Variants in ANKS1B observed in about 807,000 individuals in gnomAD.
The protein encoded by ANKS1B is ankyrin repeat and sterile alpha motif domain-containing protein 1B.
In ANKS1B, 36 loss-of-function variants were observed where a neutral mutation model predicts 148.3. The observed-to-expected ratio is 0.24, with a 90% confidence interval of 0.19 to 0.32. The LOEUF (loss-of-function observed/expected upper bound fraction) is 0.32. Ranked by LOEUF, ANKS1B falls within the 10% of genes least tolerant of loss-of-function variation. ANKS1B has a pLI of 1.00. For synonymous variants in ANKS1B, 542 were observed against 560.8 expected (o/e 0.97, Z 0.47); for missense variants, 1,157 against 1,542.6 (o/e 0.75, Z 4.19).
intron 12 of ANKS1B, among the ~76,000 whole-genome samples, chr12:99,307,024 G>A (rs924255941): frequency 1.4e-4 from 22 of 152,142 alleles, no homozygotes; most frequent in African/African-American, 2.9e-4. Context: ...GGTCCTTGTC[G>A]TCCCTGGCTC....
At chr12:99,341,699 A>C (rs2089949101) in intron 12 of ANKS1B, among the ~76,000 whole-genome samples, 1 of 152,230 alleles carries the variant, frequency 6.6e-6, no homozygotes, top group South Asian at 2.1e-4. Flanking sequence ...GTAATCAGTA[A>C]GCCAGTCTGC....
At position 98,948,099 on chromosome 12, in the gene ANKS1B, C is replaced by T. The variant is rs539911418; in HGVS notation, c.2778+105058G>A. Reference sequence around the variant, plus strand: ...TTGGAAAGGACATTTTGTTGTATAACGCAGAACCTGCTGTTAGCCTCTTGT... The same window carrying T: ...TTGGAAAGGACATTTTGTTGTATAATGCAGAACCTGCTGTTAGCCTCTTGT... On this transcript the variant is annotated intron_variant, in intron 17 of 26. Transcript: ENST00000683438. Among the ~76,000 whole-genome samples the T allele has an allele frequency of 4.6e-5, 7 of 152,058 alleles. No individual in the cohort carries two copies. In the East Asian group the frequency reaches 7.7e-4, roughly 17 times the overall value.
intron 17 of ANKS1B, among the ~76,000 whole-genome samples, chr12:98,946,165 G>A (rs1282613981): frequency 1.3e-5 from 2 of 152,156 alleles, no homozygotes; most frequent in African/African-American, 4.8e-5. Context: ...GGGCTTCTAG[G>A]TAAAGCGTCC....
chr12:99,922,144 A>C (rs907529977), intron 1 of ANKS1B, among the ~76,000 whole-genome samples: 1 of 152,194 alleles, frequency 6.6e-6, no homozygotes, highest in African/African-American at 2.4e-5. Context: ...TAACATATAA[A>C]GCATTTAAAA....
At chr12:99,123,891 C>T (rs928937666) in intron 15 of ANKS1B, among the ~76,000 whole-genome samples, 3 of 152,118 alleles carry the variant, frequency 2.0e-5, no homozygotes, top group African/African-American at 7.2e-5. Context: ...CACAAACACA[C>T]CCAGGAACAA....
chr12:99,145,655 A>G (rs1363605556), intron 15 of ANKS1B, among the ~76,000 whole-genome samples: 1 of 152,128 alleles, frequency 6.6e-6, no homozygotes, highest in Non-Finnish European at 1.5e-5. Flanking sequence ...TCAAAGGACC[A>G]GAAGTATGAC....
chr12:99,865,032 C>T (rs140532645), intron 1 of ANKS1B, among the ~76,000 whole-genome samples: 314 of 152,324 alleles, frequency 2.1e-3, no homozygotes, highest in African/African-American at 7.4e-3. Flanking sequence ...AGGCAATAAG[C>T]ATCAATGTTA....
intron 14 of ANKS1B, among the ~76,000 whole-genome samples, chr12:99,202,803 T>C (rs2082218810): frequency 6.6e-6 from 1 of 152,246 alleles, no homozygotes; most frequent in Admixed American, 6.5e-5. Context: ...TAGTCTTGTC[T>C]GAGGTTACTG....
At chr12:99,665,155 C>A (rs529097404) in intron 8 of ANKS1B, among the ~76,000 whole-genome samples, 3 of 152,098 alleles carry the variant, frequency 2.0e-5, no homozygotes, top group African/African-American at 7.2e-5. Context: ...CTAGGTCACA[C>A]GGTAAATGCA....
chr12:99,827,629 C>A (rs2083375196), intron 1 of ANKS1B, among the ~76,000 whole-genome samples: 1 of 152,006 alleles, frequency 6.6e-6, no homozygotes, highest in Non-Finnish European at 1.5e-5. Context: ...TATATGTATC[C>A]CATAACATGT....
At chr12:99,689,788 A>G (rs1024812338) in intron 8 of ANKS1B, among the ~76,000 whole-genome samples, 10 of 152,188 alleles carry the variant, frequency 6.6e-5, no homozygotes, top group African/African-American at 2.4e-4. Flanking sequence ...CCTCAGTTCT[A>G]CAACCTCAGA....
rs1171454724 is a variant in ANKS1B at position 99,246,561 on chromosome 12, A to G, written c.2060T>C (p.Val687Ala). 6.2e-7 allele frequency: 1 copy of G among 1,613,872 alleles called. No homozygotes were observed. Among genetic ancestry groups the G allele is most frequent in the Non-Finnish European group, 8.5e-7 (1 of 1,179,870 alleles). ...TCCACTCCTGGTTGATCTTGTGCCA[A>G]CAATGGTATGGTTTTCGAGTTGGTT... ...KSNQLENHTI[V>A]GTRSTRSGSR... Residue 687 changes from valine to alanine, a missense_variant, in exon 13 of 27, where the codon GTT (valine) becomes GCT (alanine). Physicochemically the swap from Val to Ala is moderately conservative, Grantham distance 64 (BLOSUM62 0). This residue lies in a region of ANKS1B where 661 missense variants were observed against 642.1 expected (regional missense o/e 1.03). Transcript: ENST00000683438.
At chr12:99,850,281 G>GTCTCTCCCTCCCTC (rs57015094) in intron 1 of ANKS1B, among the ~76,000 whole-genome samples, 3 of 114,206 alleles carry the variant, frequency 2.6e-5, no homozygotes, top group African/African-American at 1.1e-4. Context: ...AAGCAAGAAA[G>GTCTCTCCCTCCCTC]TCTCTCTCTC....
intron 17 of ANKS1B, among the ~76,000 whole-genome samples, chr12:98,863,664 T>C (rs933376659): frequency 2.0e-5 from 3 of 152,240 alleles, no homozygotes; most frequent in Non-Finnish European, 4.4e-5. Context: ...AGTTGATAGA[T>C]ATTAAACAAA....
intron 12 of ANKS1B, among the ~76,000 whole-genome samples, chr12:99,334,976 A>C (rs1211649655): frequency 1.3e-5 from 2 of 152,010 alleles, no homozygotes; most frequent in Admixed American, 6.6e-5. Flanking sequence ...CCAGTTTCCC[A>C]TCTCTTACTA....
chr12:99,552,081 T>G (rs1475933806), intron 9 of ANKS1B, among the ~76,000 whole-genome samples: 1 of 152,206 alleles, frequency 6.6e-6, no homozygotes, highest in African/African-American at 2.4e-5. Flanking sequence ...TGATCCCTAG[T>G]GCTCCTTTAG....
chr12:98,930,079 T>C (rs2152956759), intron 17 of ANKS1B, among the ~76,000 whole-genome samples: 1 of 152,246 alleles, frequency 6.6e-6, no homozygotes. Flanking sequence ...TTAATTGTTA[T>C]AGCTCAACAA....
chr12:99,763,503 C>T (rs567116357), intron 8 of ANKS1B, among the ~76,000 whole-genome samples: 15 of 151,888 alleles, frequency 9.9e-5, no homozygotes, highest in African/African-American at 3.1e-4. Flanking sequence ...GGCTTACTTG[C>T]GGGTGTAGCA....
Position 99,186,128 on chromosome 12 carries a change from T to A in ANKS1B, c.2420-31733A>T, listed in dbSNP as rs181326610. 6.2e-3 allele frequency among the ~76,000 whole-genome samples: 938 copies of A among 152,256 alleles called. 32 individuals carry two copies. The highest frequency in any genetic ancestry group is 0.055 in the Admixed American group (837 of 15,280). ...CACAGCAAAACAAAGCTACAGGAAG[T>A]TCCAACTGTGCACAGCCTACTGCAG... On this transcript the variant is annotated intron_variant, in intron 14 of 26. Coordinates refer to ENST00000683438, the MANE Select transcript of ANKS1B (RefSeq NM_001352186.2).
Sources: allele counts gnomAD v4.1 joint callset (sites outside exome capture counted in the v4.1 genomes callset), GRCh38; gene constraint gnomAD v4.1.1; regional missense constraint gnomAD v4.1.1; transcripts MANE v1.5; gene names NCBI Gene and HGNC (gene_info 2026-07-23, HGNC 2026-07-21).